COL4A3: variants seen among roughly 807,000 people sequenced by gnomAD.
COL4A3 encodes collagen alpha-3(IV) chain.
A neutral mutation model predicts 217.4 loss-of-function variants in COL4A3; 135 were observed. The observed-to-expected ratio is 0.62, with a 90% confidence interval of 0.54 to 0.72. The LOEUF (loss-of-function observed/expected upper bound fraction) is 0.72. Ranked by LOEUF, COL4A3 falls within the 30% of genes least tolerant of loss-of-function variation. The probability of loss-of-function intolerance (pLI) is 0.00; values close to 1 mark genes in which losing one functional copy is unlikely to be tolerated. For missense variants in COL4A3, 1,868 were observed against 2,119.9 expected, an observed-to-expected ratio of 0.88 and a Z score of 2.33; for synonymous variants, 690 against 736.3, an observed-to-expected ratio of 0.94 and a Z score of 1.02.
Position 227,314,612 on chromosome 2 carries a change from C to T in COL4A3, c.*2742C>T, listed in dbSNP as rs59257065. The T allele has an allele frequency of 0.31, 47,711 of 152,040 alleles. 7,794 individuals are homozygous for T. The highest frequency in any genetic ancestry group is 0.4 in the Admixed American group (6,038 of 15,254). The allele number at this position is 152,040 out of a possible 1,614,324, so 9.4% of individuals were successfully genotyped here. The stretch of plus-strand genomic sequence containing the variant: ...TCTATGTATCAAATGTAACTTACTG[C>T]GACTAAACTTAATTTAATATTTACT... On this transcript the variant is annotated 3_prime_UTR_variant, in exon 52 of 52. Transcript: ENST00000396578.
intron 43 of COL4A3, among the ~76,000 whole-genome samples, chr2:227,302,705 A>AAAAAAAAAAAAAAAC (rs1491012971): frequency 1.4e-5 from 2 of 141,960 alleles, no homozygotes; most frequent in African/African-American, 2.6e-5. Flanking sequence ...AAAAAAAAAA[A>AAAAAAAAAAAAAAAC]ATCATTCTGG....
intron 35 of COL4A3, 136 bp from the exon 36 acceptor site, chr2:227,289,863 G>T: frequency 5.2e-6 from 4 of 771,194 alleles, no homozygotes; most frequent in Non-Finnish European, 8.9e-6. Flanking sequence ...GAAGGAAAAA[G>T]GACAGCTAGA....
chr2:227,309,377 T>TACCCA, intron 50 of COL4A3, 59 bp downstream of exon 50: 3 of 1,331,918 alleles, frequency 2.3e-6, no homozygotes, highest in Non-Finnish European at 1.1e-6. Flanking sequence ...TGTTACATTG[T>TACCCA]GCTGGGTAAA....
chr2:227,253,142 A>G lies in COL4A3; in HGVS notation c.646-154A>G, dbSNP rs2069887332. ...CTCCTCCTTTAAAAGAAACATATCA[A>G]TGCTCTTCTCTAAGAAATAGCTAAA... On this transcript the variant is annotated intron_variant, in intron 11 of 51. Coordinates refer to ENST00000396578, the MANE Select transcript of COL4A3 (RefSeq NM_000091.5). This position sits in a 1 kb window ranked among gnomAD's most constrained non-coding sequence, Gnocchi z 4.4. Among the ~76,000 whole-genome samples, 1 of 152,214 alleles carries G rather than the reference A, an allele frequency of 6.6e-6. No homozygotes were observed. The highest frequency in any genetic ancestry group is 6.5e-5 in the Admixed American group (1 of 15,284).
intron 1 of COL4A3, among the ~76,000 whole-genome samples, chr2:227,185,292 G>A (rs1423805823): frequency 6.6e-6 from 1 of 152,172 alleles, no homozygotes; most frequent in East Asian, 1.9e-4. Flanking sequence ...CTGGCCAAGT[G>A]CAAGGTCTGA....
At chr2:227,234,699 G>A (rs752829880) in intron 1 of COL4A3, among the ~76,000 whole-genome samples, 1 of 152,198 alleles carries the variant, frequency 6.6e-6, no homozygotes, top group Non-Finnish European at 1.5e-5. Flanking sequence ...GAGGCTCAAT[G>A]GGAGTGTATA....
In COL4A3 at chr2:227,254,098, T is replaced by A. The variant is rs1274394804; in HGVS notation, c.766-14T>A. 1.2e-6 allele frequency: 2 copies of A among 1,612,590 alleles called. No homozygotes were observed. The highest frequency in any genetic ancestry group is 1.7e-6 in the Non-Finnish European group (2 of 1,178,718). On this transcript the variant is annotated splice_polypyrimidine_tract_variant and intron_variant, in intron 13 of 51. Coordinates refer to ENST00000396578, the MANE Select transcript of COL4A3 (RefSeq NM_000091.5). ...TCATCCATTTGTAACAATGTTGAACTGTTTCTTTGGCAGGACCTCAAGGGG... is the reference window on the plus strand; with the variant it reads ...TCATCCATTTGTAACAATGTTGAACAGTTTCTTTGGCAGGACCTCAAGGGG...
chr2:227,167,942 G>A (rs887491343), intron 1 of COL4A3, among the ~76,000 whole-genome samples: 3 of 152,122 alleles, frequency 2.0e-5, no homozygotes, highest in Non-Finnish European at 2.9e-5. Flanking sequence ...TTATTGTTTT[G>A]TGGTCTTTCA....
chr2:227,164,718 G>A lies in COL4A3; in HGVS notation c.-9G>A, dbSNP rs1392736831. 15 of 1,530,456 alleles carry A rather than the reference G, an allele frequency of 9.8e-6. No homozygotes were observed. The highest frequency in any genetic ancestry group is 1.3e-5 in the Non-Finnish European group (15 of 1,145,242). The allele number at this position is 1,530,456 out of a possible 1,614,324, so 94.8% of individuals were successfully genotyped here. A position where few individuals can be genotyped will look rare whatever the true frequency, so the allele number is the denominator to read the frequency against. On this transcript the variant is annotated 5_prime_UTR_variant, in exon 1 of 52. Coordinates refer to ENST00000396578, the MANE Select transcript of COL4A3 (RefSeq NM_000091.5). This position sits in a 1 kb window ranked among gnomAD's most constrained non-coding sequence, Gnocchi z 4.8. ...CCGGACTCGCCCAGGCTCTGAGCGCGCGCCCACCATGAGCGCCCGGACCGC... is the reference window on the plus strand; with the variant it reads ...CCGGACTCGCCCAGGCTCTGAGCGCACGCCCACCATGAGCGCCCGGACCGC...
In COL4A3 at chr2:227,269,929, C is replaced by T. The variant is rs2071140784; in HGVS notation, c.1524C>T (p.Gly508=). The T allele has an allele frequency of 3.1e-6, 5 of 1,613,902 alleles. No homozygotes were observed. The highest frequency in any genetic ancestry group is 4.2e-6 in the Non-Finnish European group (5 of 1,179,870). ...TTGCAGGAAGACAAGGCGCAGCTGG[C>T]TTGAAAGGAAGCCCAGGGTCCCCAG... ...KGIPGRQGAA[G]LKGSPGSPGN... is the part of the protein sequence containing the mutation. The change falls in exon 24 of 52, where the codon GGC becomes GGT. Residue 508 remains glycine, a synonymous_variant. Coordinates refer to ENST00000396578, the MANE Select transcript of COL4A3 (RefSeq NM_000091.5).
At chr2:227,208,213 C>T (rs1185412967) in intron 1 of COL4A3, among the ~76,000 whole-genome samples, 1 of 152,210 alleles carries the variant, frequency 6.6e-6, no homozygotes, top group East Asian at 1.9e-4. Context: ...TTGATAACAG[C>T]CCTTTCCCAA....
At chr2:227,218,068 CTATATATATAGCTA>C (rs1049999791) in intron 1 of COL4A3, among the ~76,000 whole-genome samples, 50 of 67,698 alleles carry the variant, frequency 7.4e-4, no homozygotes, top group African/African-American at 1.9e-3. Flanking sequence ...TATAAAATAA[CTATATATATAGCTA>C]TATATATATA....
At chr2:227,167,857 T>A (rs2065333982) in intron 1 of COL4A3, among the ~76,000 whole-genome samples, 1 of 152,192 alleles carries the variant, frequency 6.6e-6, no homozygotes, top group African/African-American at 2.4e-5. Flanking sequence ...CCCTCTTCCA[T>A]CCCAAAAAGT....
chr2:227,228,426 T>C (rs948721454), intron 1 of COL4A3: 2 of 152,714 alleles, frequency 1.3e-5, no homozygotes, highest in Admixed American at 6.5e-5. Context: ...CCTCAGGCTA[T>C]TGGCTGGGCA....
In COL4A3 at chr2:227,302,765, T is replaced by C. The variant is rs374824040; in HGVS notation, c.3883-273T>C. ...ACACAGAATATCCAGTTGAATCCAATACTAAAACAACATACACCAACATTA... is the reference window on the plus strand; with the variant it reads ...ACACAGAATATCCAGTTGAATCCAACACTAAAACAACATACACCAACATTA... On this transcript the variant is annotated intron_variant, in intron 43 of 51. Coordinates refer to ENST00000396578, the MANE Select transcript of COL4A3 (RefSeq NM_000091.5). Among the ~76,000 whole-genome samples the C allele has an allele frequency of 8.1e-4, 117 of 143,900 alleles. No homozygotes were observed. The South Asian group carries it at 0.014, about 17-fold the overall frequency. 94.4% of individuals were successfully genotyped at this position (143,900 alleles called of 152,430 possible).
At chr2:227,173,043 C>T (rs755299110) in intron 1 of COL4A3, among the ~76,000 whole-genome samples, 11 of 152,190 alleles carry the variant, frequency 7.2e-5, no homozygotes, top group Admixed American at 3.9e-4. Flanking sequence ...ACTTTCAGTC[C>T]GTAACATTCT....
chr2:227,262,090 C>A (rs2070612306), intron 20 of COL4A3, among the ~76,000 whole-genome samples: 1 of 151,834 alleles, frequency 6.6e-6, no homozygotes, highest in Non-Finnish European at 1.5e-5. Context: ...CAAAATAAAG[C>A]AGACTGCAGA....
rs1412889517 is a variant in COL4A3, at chr2:227,312,107, A to C, written c.*237A>C. On this transcript the variant is annotated 3_prime_UTR_variant, in exon 52 of 52. Coordinates refer to ENST00000396578, the MANE Select transcript of COL4A3 (RefSeq NM_000091.5). Reference sequence around the variant, plus strand: ...CTGTGGCAAAGCAGCAACTATTCACAAAATATCACCAAAAACCTATTCCAC... The same window carrying C: ...CTGTGGCAAAGCAGCAACTATTCACCAAATATCACCAAAAACCTATTCCAC... The C allele has an allele frequency of 1.7e-6, 1 of 582,436 alleles. No individual in the cohort carries two copies. Among genetic ancestry groups the C allele is most frequent in the African/African-American group, 1.9e-5 (1 of 52,758 alleles). The allele number at this position is 582,436 out of a possible 1,614,324, so 36.1% of individuals were successfully genotyped here. A position where few individuals can be genotyped will look rare whatever the true frequency, so the allele number is the denominator to read the frequency against.
At position 227,293,327 on chromosome 2, in the gene COL4A3, G is replaced by C. The variant is rs752108075; in HGVS notation, c.3337+10G>C. The C allele has an allele frequency of 1.2e-6, 2 of 1,613,748 alleles. No individual in the cohort carries two copies. The highest frequency in any genetic ancestry group is 1.7e-6 in the Non-Finnish European group (2 of 1,179,954). On this transcript the variant is annotated intron_variant, in intron 38 of 51. Transcript: ENST00000396578. The stretch of plus-strand genomic sequence containing the variant: ...AGTCCTGGCCTCCCAGGTAAGGCTT[G>C]AGTTTACAATTCTAAAAGCTGGAAG...
Sources: gnomAD v4.1 joint callset for allele counts (sites outside exome capture counted in the v4.1 genomes callset) on GRCh38, gnomAD v4.1.1 for gene constraint, Gnocchi (gnomAD v3.1) non-coding constraint, MANE v1.5 for transcripts, NCBI Gene and HGNC (gene_info 2026-07-23, HGNC 2026-07-21) for gene names.